Variants in ZNF69 observed in about 807,000 individuals in gnomAD.
The protein encoded by ZNF69 is zinc finger protein 69, also known as ZNF3.
Under a neutral mutation model 50.9 loss-of-function variants are expected in ZNF69, and 47 were observed. That is an observed-to-expected ratio of 0.92 (90% confidence interval 0.73 to 1.18). ZNF69 has a LOEUF of 1.18. Ranked by LOEUF, ZNF69 falls within the 50% of genes most tolerant of loss-of-function variation. The pLI, the probability that ZNF69 is intolerant of heterozygous loss-of-function variation, is 0.00. For synonymous variants in ZNF69, 216 were observed against 223.1 expected, an observed-to-expected ratio of 0.97 and a Z score of 0.29; for missense variants, 717 against 675.1, an observed-to-expected ratio of 1.06 and a Z score of -0.69.
At chr19:11,961,595 A>G in the ZNF69 span, 1 of 152,228 alleles carries the variant, frequency 6.6e-6, no homozygotes, top group Non-Finnish European at 1.5e-5. Flanking sequence ...ATAGCCTAAC[A>G]GCTAGGGACA....
the ZNF69 span, among the ~76,000 whole-genome samples, chr19:11,939,536 A>C: frequency 3.2e-4 from 49 of 152,168 alleles, no homozygotes; most frequent in Non-Finnish European, 5.1e-4. Flanking sequence ...AGATGGTTGT[A>C]TATGTGTGGT....
chr19:11,972,072 A>AG, the ZNF69 span, among the ~76,000 whole-genome samples: 33 of 152,100 alleles, frequency 2.2e-4, no homozygotes, highest in Admixed American at 1.3e-3. Context: ...CAAAAAAAAA[A>AG]AAAAGAAAAG....
chr19:11,894,358 T>C (rs1977171711), intron 1 of ZNF69, among the ~76,000 whole-genome samples: 1 of 152,120 alleles, frequency 6.6e-6, no homozygotes, highest in Non-Finnish European at 1.5e-5. Context: ...GCCAGGATGC[T>C]CTCTATCTCC....
In ZNF69 at chr19:11,904,855, C is replaced by T. The variant is rs1972328573; in HGVS notation, c.458C>T (p.Ala153Val). Residue 153 changes from alanine to valine, a missense_variant, in exon 4 of 4, where the codon GCC (alanine) becomes GTC (valine). Physicochemically the swap from Ala to Val is moderately conservative, Grantham distance 64. Coordinates refer to ENST00000429654, the MANE Select transcript of ZNF69 (RefSeq NM_001364730.1). ...MNIRGDIGHK[A>V]YEYQEYGPKP... Reference sequence around the variant, plus strand: ...ATCAGAGGTGACATTGGACACAAGGCCTATGAGTATCAGGAATATGGACCG... The same window carrying T: ...ATCAGAGGTGACATTGGACACAAGGTCTATGAGTATCAGGAATATGGACCG... 3 of 1,613,954 alleles carry T rather than the reference C, an allele frequency of 1.9e-6. No homozygotes were observed. The highest frequency in any genetic ancestry group is 2.7e-5 in the African/African-American group (2 of 74,882).
chr19:11,948,444 T>C, the ZNF69 span: 1 of 1,614,168 alleles, frequency 6.2e-7, no homozygotes, highest in Non-Finnish European at 8.5e-7. Context: ...GTAACTCATC[T>C]TTTAATATGA....
At chr19:11,971,190 G>A in the ZNF69 span, among the ~76,000 whole-genome samples, 1 of 152,110 alleles carries the variant, frequency 6.6e-6, no homozygotes, top group South Asian at 2.1e-4. Flanking sequence ...CCATGTTCAG[G>A]GAGTTGGCAG....
chr19:11,978,799 C>G, the ZNF69 span: 3 of 1,614,110 alleles, frequency 1.9e-6, 1 homozygote, highest in South Asian at 3.3e-5. Context: ...TGTGGCAAAT[C>G]CTTCAGTTGG....
At chr19:11,957,330 G>A in the ZNF69 span, among the ~76,000 whole-genome samples, 2 of 151,588 alleles carry the variant, frequency 1.3e-5, no homozygotes, top group Non-Finnish European at 2.9e-5. Context: ...TCCTGACCTC[G>A]TGATCTGCCT....
chr19:11,947,450 AATC>A, the ZNF69 span: 1 of 1,601,796 alleles, frequency 6.2e-7, no homozygotes, highest in East Asian at 2.2e-5. Context: ...ATGGGCACAG[AATC>A]TAATAATTTT....
the ZNF69 span, chr19:11,948,740 T>C: frequency 6.2e-6 from 10 of 1,612,400 alleles, no homozygotes; most frequent in Non-Finnish European, 8.5e-6. Context: ...TTATATCTTA[T>C]CCATGAAAGA....
At chr19:11,911,135 A>G (rs574999786), downstream of ZNF69, among the ~76,000 whole-genome samples, 24 of 152,284 alleles carry the variant, frequency 1.6e-4, no homozygotes, top group South Asian at 8.3e-4. Flanking sequence ...ACCATCTCAC[A>G]CCAGTTAGAA....
chr19:11,900,433 A>G (rs1599352886), intron 1 of ZNF69, among the ~76,000 whole-genome samples: 1 of 150,376 alleles, frequency 6.6e-6, no homozygotes, highest in Non-Finnish European at 1.5e-5. Flanking sequence ...GCTCACTGCA[A>G]CCTCTGTCTC....
chr19:11,974,746 G>A, the ZNF69 span, among the ~76,000 whole-genome samples: 3 of 151,924 alleles, frequency 2.0e-5, no homozygotes, highest in South Asian at 6.2e-4. Flanking sequence ...GGGACTACAG[G>A]CACATGCCAC....
chr19:11,910,104 C>A (rs1382089559), downstream of ZNF69, among the ~76,000 whole-genome samples: 1 of 151,888 alleles, frequency 6.6e-6, no homozygotes, highest in Non-Finnish European at 1.5e-5. Context: ...CCTAGGAATC[C>A]AACTTACAAG....
At chr19:11,957,283 A>G in the ZNF69 span, among the ~76,000 whole-genome samples, 17 of 151,280 alleles carry the variant, frequency 1.1e-4, no homozygotes, top group South Asian at 4.2e-4. Context: ...TTTAGTAGAG[A>G]TGGGGTTTCA....
downstream of ZNF69, among the ~76,000 whole-genome samples, chr19:11,911,317 T>C (rs1241359279): frequency 1.3e-5 from 2 of 152,216 alleles, no homozygotes; most frequent in Non-Finnish European, 2.9e-5. Flanking sequence ...GCCATCCCAT[T>C]ACTGGGTATA....
chr19:11,899,165 G>A (rs908215122), intron 1 of ZNF69, among the ~76,000 whole-genome samples: 1 of 152,062 alleles, frequency 6.6e-6, no homozygotes, highest in African/African-American at 2.4e-5. Context: ...TCCTGCCTCC[G>A]TTTTGCATTT....
the ZNF69 span, among the ~76,000 whole-genome samples, chr19:11,922,062 C>T: frequency 1.3e-5 from 2 of 151,886 alleles, no homozygotes; most frequent in Non-Finnish European, 2.9e-5. Context: ...ATAACGATGT[C>T]CAAATAGCCA....
At chr19:11,943,287 A>G in the ZNF69 span, among the ~76,000 whole-genome samples, 1 of 152,180 alleles carries the variant, frequency 6.6e-6, no homozygotes, top group South Asian at 2.1e-4. Context: ...GCAGACAGCA[A>G]TTGGTTAGGT....
Sources: allele counts gnomAD v4.1 joint callset (sites outside exome capture counted in the v4.1 genomes callset), GRCh38; gene constraint gnomAD v4.1.1; transcripts MANE v1.5; gene names NCBI Gene and HGNC (gene_info 2026-07-23, HGNC 2026-07-21).